Variants in CDH2 observed in about 807,000 individuals in gnomAD.
CDH2 encodes the protein cadherin-2.
In CDH2, 17 loss-of-function variants were observed where a neutral mutation model predicts 92.0. That is an observed-to-expected ratio of 0.18 (90% CI 0.13 to 0.28). The LOEUF is 0.28. CDH2 is among the 10% of genes least tolerant of loss of function. The probability of loss-of-function intolerance (pLI) is 1.00; values close to 1 mark genes in which losing one functional copy is unlikely to be tolerated. For synonymous variants in CDH2, 419 were observed against 415.9 expected (o/e 1.01, Z -0.09); for missense variants, 862 against 1,133.1 (o/e 0.76, Z 3.44).
At chr18:28,160,871 A>C (rs2016296445) in intron 1 of CDH2, among the ~76,000 whole-genome samples, 2 of 152,158 alleles carry the variant, frequency 1.3e-5, no homozygotes, top group Admixed American at 1.3e-4. Context: ...GGGGTACCTC[A>C]TGCATACCGG....
intron 5 of CDH2, 64 bp downstream of exon 5, chr18:28,009,647 AGGCAAT>A (rs1331710647): frequency 1.4e-6 from 2 of 1,385,420 alleles, no homozygotes; most frequent in Admixed American, 3.7e-5. Context: ...CTGATATAAG[AGGCAAT>A]GGTAAACTCT....
At position 27,976,154 on chromosome 18, in the gene CDH2, G is replaced by A. The variant is rs1465575364; in HGVS notation, c.2349+6790C>T. ...TCACTTTGGGCCATAGGTTCCAGGC[G>A]TTTCAGCTTTAAGGTGGGGCTTTGA... is the stretch of plus-strand genomic sequence containing the variant. On this transcript the variant is annotated intron_variant, in intron 14 of 15. Coordinates refer to ENST00000269141, the MANE Select transcript of CDH2 (RefSeq NM_001792.5). Among the ~76,000 whole-genome samples, 10 of 152,246 alleles carry A rather than the reference G, an allele frequency of 6.6e-5. No homozygotes were observed. The East Asian group carries it at 9.7e-4, about 15-fold the overall frequency.
At chr18:28,155,414 A>C (rs984333515) in intron 1 of CDH2, among the ~76,000 whole-genome samples, 10 of 152,332 alleles carry the variant, frequency 6.6e-5, no homozygotes, top group East Asian at 1.9e-4. Context: ...GGAGACTTTT[A>C]TCTCTTTGTT....
intron 14 of CDH2, among the ~76,000 whole-genome samples, chr18:27,977,163 G>C (rs898914529): frequency 1.4e-4 from 1 of 6,914 alleles, no homozygotes; most frequent in Non-Finnish European, 6.4e-3. Flanking sequence ...AAAGAGACTA[G>C]ATATACTAAA....
chr18:28,002,757 T>G (rs1188273104), intron 7 of CDH2, among the ~76,000 whole-genome samples: 2 of 152,182 alleles, frequency 1.3e-5, no homozygotes, highest in Non-Finnish European at 2.9e-5. Context: ...CAGAGAATAT[T>G]GCTTAGTCAG....
chr18:28,157,943 G>T (rs969982029), intron 1 of CDH2, among the ~76,000 whole-genome samples: 1 of 152,142 alleles, frequency 6.6e-6, no homozygotes, highest in African/African-American at 2.4e-5. Context: ...AATTTTCAGA[G>T]GTGATATTGA....
At chr18:27,960,039 C>CACACACACAT (rs1291943732) in intron 15 of CDH2, among the ~76,000 whole-genome samples, 2 of 151,816 alleles carry the variant, frequency 1.3e-5, no homozygotes, top group Non-Finnish European at 2.9e-5. Flanking sequence ...CACACACACA[C>CACACACACAT]ACACACACAA....
At chr18:28,025,524 AAATAAT>A (rs917493757) in intron 2 of CDH2, among the ~76,000 whole-genome samples, 1 of 150,006 alleles carries the variant, frequency 6.7e-6, no homozygotes, top group Non-Finnish European at 1.5e-5. Flanking sequence ...TCCAGAAAAA[AAATAAT>A]AATAATAATA....
Position 27,990,082 on chromosome 18 carries a change from A to G in CDH2, c.1598+15T>C. Reference sequence around the variant, plus strand: ...ATAAGTAAGCTACAAAAACACTACAAACAGCATTTCATACCTAATATTTTG... The same window carrying G: ...ATAAGTAAGCTACAAAAACACTACAGACAGCATTTCATACCTAATATTTTG... On this transcript the variant is annotated intron_variant, in intron 10 of 15. Coordinates refer to ENST00000269141, the MANE Select transcript of CDH2 (RefSeq NM_001792.5). 1.2e-6 allele frequency: 2 copies of G among 1,610,598 alleles called. No homozygotes were observed. The highest frequency in any genetic ancestry group is 1.7e-6 in the Non-Finnish European group (2 of 1,176,854).
At chr18:27,976,544 T>C (rs2011837316) in intron 14 of CDH2, among the ~76,000 whole-genome samples, 1 of 152,220 alleles carries the variant, frequency 6.6e-6, no homozygotes, top group Admixed American at 6.5e-5. Context: ...GTATAAGATA[T>C]GATAGACACC....
intron 2 of CDH2, among the ~76,000 whole-genome samples, chr18:28,022,937 A>G (rs1599041148): frequency 6.6e-6 from 1 of 152,258 alleles, no homozygotes; most frequent in South Asian, 2.1e-4. Context: ...AATGTCTGGT[A>G]AGCAAGCTAT....
chr18:28,155,322 A>G (rs2016190969), intron 1 of CDH2, among the ~76,000 whole-genome samples: 1 of 152,338 alleles, frequency 6.6e-6, no homozygotes, highest in Middle Eastern at 3.4e-3. Flanking sequence ...TGTTGTGAAG[A>G]ATACAAAGGG....
intron 2 of CDH2, among the ~76,000 whole-genome samples, chr18:28,027,379 A>G (rs2013582228): frequency 6.6e-6 from 1 of 152,180 alleles, no homozygotes; most frequent in South Asian, 2.1e-4. Flanking sequence ...TTTTATTATA[A>G]TGTTCCCCAA....
At chr18:28,042,988 TTC>T (rs1487375930) in intron 2 of CDH2, among the ~76,000 whole-genome samples, 24 of 152,212 alleles carry the variant, frequency 1.6e-4, no homozygotes, top group African/African-American at 5.8e-4. Flanking sequence ...AGAGATTTGC[TTC>T]TGTTTCTGGC....
At chr18:27,961,823 G>A (rs1464264880) in intron 15 of CDH2, among the ~76,000 whole-genome samples, 1 of 151,998 alleles carries the variant, frequency 6.6e-6, no homozygotes, top group Non-Finnish European at 1.5e-5. Flanking sequence ...GTTCCAGCTG[G>A]GCACAGTGGC....
At chr18:28,058,215 AT>A (rs751708712) in intron 2 of CDH2, among the ~76,000 whole-genome samples, 81 of 152,354 alleles carry the variant, frequency 5.3e-4, no homozygotes, top group Non-Finnish European at 9.7e-4. Context: ...ATAAACTTTG[AT>A]ACCAAGGCAT....
chr18:28,079,254 A>C (rs2014782414), intron 2 of CDH2, among the ~76,000 whole-genome samples: 1 of 152,160 alleles, frequency 6.6e-6, no homozygotes, highest in Non-Finnish European at 1.5e-5. Context: ...CAGATTACAA[A>C]AACCCTTGCT....
At chr18:27,971,377 A>G (rs1276365487) in intron 14 of CDH2, among the ~76,000 whole-genome samples, 1 of 145,004 alleles carries the variant, frequency 6.9e-6, no homozygotes, top group Non-Finnish European at 1.5e-5. Context: ...TGTTATTAGT[A>G]GAATATCAAT....
intron 2 of CDH2, among the ~76,000 whole-genome samples, chr18:28,061,845 A>G (rs1329206722): frequency 1.3e-5 from 2 of 151,982 alleles, no homozygotes; most frequent in Non-Finnish European, 2.9e-5. Flanking sequence ...ATCAGATCTC[A>G]TGAGACTTAC....
Sources: gnomAD v4.1 joint callset for allele counts (sites outside exome capture counted in the v4.1 genomes callset) on GRCh38, gnomAD v4.1.1 for gene constraint, MANE v1.5 for transcripts, NCBI Gene and HGNC (gene_info 2026-07-23, HGNC 2026-07-21) for gene names.